The following DLC1 variants were observed in gnomAD, a reference collection of about 807,000 sequenced individuals.
The protein encoded by DLC1 is rho GTPase-activating protein 7.
A neutral mutation model predicts 140.3 loss-of-function variants in DLC1; 54 were observed. That is an observed-to-expected ratio of 0.38 (90% confidence interval 0.31 to 0.48). The LOEUF (loss-of-function observed/expected upper bound fraction) is 0.48. Among genes scored for constraint, DLC1 ranks in the 20% least tolerant of loss-of-function variants. The probability of loss-of-function intolerance (pLI) is 0.96; values close to 1 mark genes in which losing one functional copy is unlikely to be tolerated. For synonymous variants in DLC1, 986 were observed against 728.1 expected (o/e 1.35, Z -5.70); for missense variants, 2,536 against 1,907.0 (o/e 1.33, Z -6.14).
intron 5 of DLC1, among the ~76,000 whole-genome samples, chr8:13,126,193 T>C (rs1034521637): frequency 3.9e-5 from 6 of 151,960 alleles, no homozygotes; most frequent in Non-Finnish European, 7.4e-5. Flanking sequence ...ACAGAAAATA[T>C]CTCCCAAATA....
intron 5 of DLC1, among the ~76,000 whole-genome samples, chr8:13,262,606 C>A (rs1830509996): frequency 6.6e-6 from 1 of 152,128 alleles, no homozygotes; most frequent in African/African-American, 2.4e-5. Context: ...GGCACTCAGG[C>A]AGGAGTGCAG....
At chr8:13,434,209 C>G (rs368483124) in intron 2 of DLC1, among the ~76,000 whole-genome samples, 1 of 152,070 alleles carries the variant, frequency 6.6e-6, no homozygotes, top group Non-Finnish European at 1.5e-5. Flanking sequence ...AGAACAAACT[C>G]CTATTTAATG....
At chr8:13,494,010 A>G (rs1801383548) in intron 2 of DLC1, among the ~76,000 whole-genome samples, 1 of 152,252 alleles carries the variant, frequency 6.6e-6, no homozygotes, top group Non-Finnish European at 1.5e-5. Context: ...CAGTATGTAC[A>G]ATATAATGTT....
chr8:13,459,908 C>T (rs760678625), intron 2 of DLC1, among the ~76,000 whole-genome samples: 3 of 152,158 alleles, frequency 2.0e-5, no homozygotes, highest in South Asian at 2.1e-4. Context: ...TGGTGACACG[C>T]CCTCATCTCG....
At chr8:13,466,354 C>T (rs1295370852) in intron 2 of DLC1, among the ~76,000 whole-genome samples, 2 of 152,190 alleles carry the variant, frequency 1.3e-5, no homozygotes, top group African/African-American at 4.8e-5. Context: ...TAAAACACTT[C>T]TGTTGTTTCA....
intron 1 of DLC1, among the ~76,000 whole-genome samples, chr8:13,588,917 C>T (rs1432389840): frequency 6.6e-6 from 1 of 152,068 alleles, no homozygotes; most frequent in Non-Finnish European, 1.5e-5. Context: ...ACCTGTTTAA[C>T]AAGCTACATT....
Position 13,297,379 on chromosome 8 carries a change from T to C in DLC1, c.1348+7890A>G, listed in dbSNP as rs1271976683. 7.4e-5 allele frequency among the ~76,000 whole-genome samples: 11 copies of C among 148,120 alleles called. No individual in the cohort carries two copies. The Admixed American group carries it at 7.6e-4, about 10-fold the overall frequency. ...ATGAAAGAGAATAAATAATTTGGAA[T>C]GTTGGTCAAGGCCCAGGCTGGCTAG... On this transcript the variant is annotated intron_variant, in intron 5 of 17. Coordinates refer to ENST00000276297, the MANE Select transcript of DLC1 (RefSeq NM_182643.3).
At chr8:13,582,248 C>T (rs1383620055) in intron 1 of DLC1, among the ~76,000 whole-genome samples, 1 of 152,124 alleles carries the variant, frequency 6.6e-6, no homozygotes, top group Non-Finnish European at 1.5e-5. Context: ...CAAAATGAAA[C>T]ATTTTGCATA....
intron 1 of DLC1, among the ~76,000 whole-genome samples, chr8:13,504,657 G>T (rs1166197455): frequency 6.6e-5 from 10 of 152,016 alleles, no homozygotes; most frequent in African/African-American, 2.4e-4. Context: ...TTAGGAGCTG[G>T]GAATCAATGG....
At chr8:13,310,631 T>C (rs1418880059) in intron 4 of DLC1, among the ~76,000 whole-genome samples, 1 of 152,232 alleles carries the variant, frequency 6.6e-6, no homozygotes, top group Admixed American at 6.5e-5. Flanking sequence ...GAGTTTGTTT[T>C]CATCTCTTCT....
intron 5 of DLC1, among the ~76,000 whole-genome samples, chr8:13,130,973 C>G (rs1190720592): frequency 6.6e-6 from 1 of 152,222 alleles, no homozygotes; most frequent in Non-Finnish European, 1.5e-5. Flanking sequence ...CGCTGTAAAT[C>G]TGGCATGCCA....
chr8:13,561,122 CT>C (rs10635763), intron 1 of DLC1, among the ~76,000 whole-genome samples: 27,705 of 145,922 alleles, frequency 0.19, 2,693 homozygotes, highest in East Asian at 0.29. Flanking sequence ...AGTGTTTTTC[CT>C]TTTTTTTTTT....
At chr8:13,146,439 A>G (rs1249345541) in intron 5 of DLC1, among the ~76,000 whole-genome samples, 2 of 152,088 alleles carry the variant, frequency 1.3e-5, no homozygotes, top group African/African-American at 4.8e-5. Context: ...TGATACTAAA[A>G]ATAATAACTT....
intron 2 of DLC1, among the ~76,000 whole-genome samples, chr8:13,421,340 T>C (rs1041627747): frequency 6.6e-6 from 1 of 152,144 alleles, no homozygotes; most frequent in African/African-American, 2.4e-5. Context: ...AAGTACCCAG[T>C]AGCGTCTATG....
At chr8:13,173,655 C>G (rs996413038) in intron 5 of DLC1, among the ~76,000 whole-genome samples, 1 of 152,212 alleles carries the variant, frequency 6.6e-6, no homozygotes, top group Non-Finnish European at 1.5e-5. Flanking sequence ...CAGGCTTGAG[C>G]CACCGCGCCC....
chr8:13,394,144 A>G (rs1374686487), intron 3 of DLC1, among the ~76,000 whole-genome samples: 1 of 152,282 alleles, frequency 6.6e-6, no homozygotes, highest in East Asian at 1.9e-4. Context: ...TCTTACCTCA[A>G]TCTCTTCTAT....
intron 1 of DLC1, among the ~76,000 whole-genome samples, chr8:13,562,940 A>T (rs572068523): frequency 6.6e-6 from 1 of 152,104 alleles, no homozygotes; most frequent in African/African-American, 2.4e-5. Flanking sequence ...AGCAATGTGT[A>T]GAGTATGTCA....
At chr8:13,458,145 CA>C (rs1246868945) in intron 2 of DLC1, among the ~76,000 whole-genome samples, 1 of 152,072 alleles carries the variant, frequency 6.6e-6, no homozygotes, top group Admixed American at 6.6e-5. Flanking sequence ...CTATAGAACA[CA>C]ATGTTTAAGT....
intron 5 of DLC1, among the ~76,000 whole-genome samples, chr8:13,189,251 A>T (rs954341955): frequency 6.6e-6 from 1 of 152,156 alleles, no homozygotes; most frequent in Non-Finnish European, 1.5e-5. Context: ...TTGTTTGTTT[A>T]TGAACCATTT....
Sources: allele counts gnomAD v4.1 joint callset (sites outside exome capture counted in the v4.1 genomes callset), GRCh38; gene constraint gnomAD v4.1.1; transcripts MANE v1.5; gene names NCBI Gene and HGNC (gene_info 2026-07-23, HGNC 2026-07-21).